The following GSE1 variants were observed in gnomAD, a reference collection of about 807,000 sequenced individuals.
GSE1 encodes Gse1 coiled-coil protein, also known as genetic suppressor element 1.
Under a neutral mutation model 112.6 loss-of-function variants are expected in GSE1, and 32 were observed. That is an observed-to-expected ratio of 0.28 (90% confidence interval 0.21 to 0.38). The LOEUF (loss-of-function observed/expected upper bound fraction) is 0.38, where lower values mean the gene tolerates loss of function less well. GSE1 is among the 10% of genes least tolerant of loss of function. The pLI is 1.00. For missense variants in GSE1, 2,348 were observed against 1,699.2 expected (o/e 1.38, Z -6.71); for synonymous variants, 1,115 against 735.6 (o/e 1.52, Z -8.35).
chr16:85,317,793 G>A (rs1258379797), intron 1 of GSE1, among the ~76,000 whole-genome samples: 1 of 152,182 alleles, frequency 6.6e-6, no homozygotes, highest in African/African-American at 2.4e-5. Flanking sequence ...CCCCTCCTAA[G>A]TGTGGGACCT....
rs1159017771 is a variant in GSE1 at position 85,651,959 on chromosome 16, C to T, written c.427-2319C>T. ...GGAACAGGGTGTGTCCTTCCTCGTG[C>T]TCCGTTCCTCAGATGTTTGGCCCTA... On this transcript the variant is annotated intron_variant, in intron 3 of 15. Transcript: ENST00000253458. Among the ~76,000 whole-genome samples the T allele has an allele frequency of 3.9e-5, 6 of 152,232 alleles. 1 individual carries two copies. In the East Asian group the frequency reaches 5.8e-4, roughly 15 times the overall value.
intron 2 of GSE1, among the ~76,000 whole-genome samples, chr16:85,400,650 C>T (rs1425480377): frequency 1.3e-5 from 2 of 149,836 alleles, no homozygotes; most frequent in Non-Finnish European, 3.0e-5. Flanking sequence ...GTGTGTGTCT[C>T]TGTGTCTGTG....
At chr16:85,507,299 G>A (rs1472174890) in intron 2 of GSE1, among the ~76,000 whole-genome samples, 1 of 152,140 alleles carries the variant, frequency 6.6e-6, no homozygotes. Context: ...CGTGGTATCC[G>A]GTTTGGAAAC....
intron 1 of GSE1, among the ~76,000 whole-genome samples, chr16:85,208,224 G>C (rs2075154484): frequency 6.6e-6 from 1 of 152,146 alleles, no homozygotes; most frequent in African/African-American, 2.4e-5. Context: ...GTTCCTGCTA[G>C]GCCTGGGTTC....
chr16:85,263,159 G>A (rs779291251), intron 1 of GSE1, among the ~76,000 whole-genome samples: 1 of 152,236 alleles, frequency 6.6e-6, no homozygotes, highest in Non-Finnish European at 1.5e-5. Flanking sequence ...GGAGGGAAGA[G>A]GGTTGTAGCT....
intron 1 of GSE1, among the ~76,000 whole-genome samples, chr16:85,173,618 C>T (rs1347677283): frequency 6.6e-6 from 1 of 152,158 alleles, no homozygotes; most frequent in East Asian, 1.9e-4. Flanking sequence ...AGTCAGAACT[C>T]TCTGCAAATC....
intron 1 of GSE1, among the ~76,000 whole-genome samples, chr16:85,566,352 G>A (rs1265333103): frequency 6.6e-6 from 1 of 152,192 alleles, no homozygotes; most frequent in African/African-American, 2.4e-5. Context: ...CACGCACAGC[G>A]CCGTGGTCAC....
chr16:85,545,143 G>A (rs1421311781), intron 2 of GSE1, among the ~76,000 whole-genome samples: 9 of 152,336 alleles, frequency 5.9e-5, no homozygotes, highest in South Asian at 2.1e-4. Context: ...CCCAGGAGGC[G>A]TTCCGAGGAC....
At chr16:85,451,809 G>C (rs2049691301) in intron 2 of GSE1, among the ~76,000 whole-genome samples, 1 of 152,182 alleles carries the variant, frequency 6.6e-6, no homozygotes, top group African/African-American at 2.4e-5. Flanking sequence ...GCTGGTGGTT[G>C]GTTCCTTCCT....
chr16:85,418,849 G>C (rs1409124864), intron 2 of GSE1, among the ~76,000 whole-genome samples: 1 of 152,212 alleles, frequency 6.6e-6, no homozygotes. Context: ...TGAGCATAGA[G>C]CTGTCAGGAT....
intron 1 of GSE1, among the ~76,000 whole-genome samples, chr16:85,180,283 C>G (rs2074555330): frequency 6.6e-6 from 1 of 152,266 alleles, no homozygotes; most frequent in African/African-American, 2.4e-5. Flanking sequence ...GCAGGTGCCT[C>G]TGGCTGCAGC....
At chr16:85,385,874 G>C (rs557129712) in intron 2 of GSE1, among the ~76,000 whole-genome samples, 11 of 152,334 alleles carry the variant, frequency 7.2e-5, no homozygotes, top group Admixed American at 5.2e-4. Context: ...GCTCCAGCTT[G>C]AGACGGGGCG....
At chr16:85,235,340 T>G (rs1904486448) in intron 1 of GSE1, among the ~76,000 whole-genome samples, 2 of 151,248 alleles carry the variant, frequency 1.3e-5, no homozygotes, top group Admixed American at 1.3e-4. Flanking sequence ...GGGTTGGTTC[T>G]GGCCCCCTCA....
At chr16:85,583,295 G>A (rs1251220809) in intron 1 of GSE1, 1 of 152,492 alleles carries the variant, frequency 6.6e-6, no homozygotes, top group African/African-American at 2.4e-5. Flanking sequence ...TGTGCCCTGT[G>A]CCCTGCAGCT....
intron 1 of GSE1, among the ~76,000 whole-genome samples, chr16:85,337,090 G>A (rs145689117): frequency 3.9e-5 from 6 of 152,156 alleles, no homozygotes; most frequent in Non-Finnish European, 7.4e-5. Flanking sequence ...GCATCGAGGG[G>A]CTGGCGACAG....
At chr16:85,442,356 A>C (rs994566072) in intron 2 of GSE1, among the ~76,000 whole-genome samples, 13 of 152,202 alleles carry the variant, frequency 8.5e-5, no homozygotes, top group Non-Finnish European at 1.9e-4. Context: ...CCACATGGGC[A>C]GGGACTTCTA....
At chr16:85,666,875 G>T (rs12149210) in intron 13 of GSE1, among the ~76,000 whole-genome samples, 1 of 152,122 alleles carries the variant, frequency 6.6e-6, no homozygotes, top group African/African-American at 2.4e-5. Context: ...AGAAATATTT[G>T]TGGGTGGGGT....
chr16:85,543,351 C>T (rs2044590227), intron 2 of GSE1, among the ~76,000 whole-genome samples: 1 of 152,140 alleles, frequency 6.6e-6, no homozygotes, highest in African/African-American at 2.4e-5. Flanking sequence ...AGTCATACTA[C>T]AGTGTGAATG....
intron 2 of GSE1, among the ~76,000 whole-genome samples, chr16:85,465,159 G>A (rs2050088572): frequency 1.3e-5 from 2 of 152,242 alleles, no homozygotes; most frequent in African/African-American, 4.8e-5. Context: ...ATCCAGGAGT[G>A]TGGGACGGCC....
Sources: allele counts gnomAD v4.1 joint callset (sites outside exome capture counted in the v4.1 genomes callset), GRCh38; gene constraint gnomAD v4.1.1; transcripts MANE v1.5; gene names NCBI Gene and HGNC (gene_info 2026-07-23, HGNC 2026-07-21).